AGPAT3: variants seen among roughly 807,000 people sequenced by gnomAD.
AGPAT3 encodes the protein 1-acylglycerol-3-phosphate O-acyltransferase 3, also known as 1-acyl-sn-glycerol-3-phosphate acyltransferase gamma.
A neutral mutation model predicts 47.3 loss-of-function variants in AGPAT3; 5 were observed. The ratio of observed to expected loss-of-function variants is 0.11; its 90% confidence interval spans 0.06 to 0.22. AGPAT3 has a LOEUF of 0.22. Among genes scored for constraint, AGPAT3 ranks in the 10% least tolerant of loss-of-function variants. The pLI is 1.00. For synonymous variants in AGPAT3, 212 were observed against 208.3 expected, an observed-to-expected ratio of 1.02 and a Z score of -0.15; for missense variants, 315 against 493.0, an observed-to-expected ratio of 0.64 and a Z score of 3.42.
In AGPAT3 at chr21:43,985,436, A is replaced by G; in HGVS notation, c.*3044A>G. The G allele has an allele frequency of 3.0e-6, 1 of 333,410 alleles. No homozygotes were observed. Among genetic ancestry groups the G allele is most frequent in the Non-Finnish European group, 5.8e-6 (1 of 171,724 alleles). 20.7% of individuals were successfully genotyped at this position (333,410 alleles called of 1,614,324 possible). ...AAGCACGTCCTGTCGATGAATTTTG[A>G]GTCTCTCTGCCTTGCCTGTCCCGAC... On this transcript the variant is annotated 3_prime_UTR_variant, in exon 10 of 10. Transcript: ENST00000291572.
intron 2 of AGPAT3, chr21:43,925,027 G>A (rs2087007809): frequency 6.6e-6 from 1 of 152,222 alleles, no homozygotes; most frequent in Non-Finnish European, 1.5e-5. Flanking sequence ...ATGGTCGTTC[G>A]ACTTCTGGCT....
intron 1 of AGPAT3, among the ~76,000 whole-genome samples, chr21:43,894,137 GT>G (rs1026401890): frequency 2.6e-5 from 4 of 151,794 alleles, no homozygotes; most frequent in African/African-American, 9.7e-5. Context: ...TTTGCATCCT[GT>G]TTTTGTCAGG....
chr21:43,911,079 A>G (rs1421169965), intron 2 of AGPAT3, among the ~76,000 whole-genome samples: 1 of 152,254 alleles, frequency 6.6e-6, no homozygotes, highest in African/African-American at 2.4e-5. Context: ...AAAAATACAC[A>G]TAAGAACATA....
rs931108691 is a variant in AGPAT3, at chr21:43,985,081, C to T, written c.*2689C>T. On this transcript the variant is annotated 3_prime_UTR_variant, in exon 10 of 10. Coordinates refer to ENST00000291572, the MANE Select transcript of AGPAT3 (RefSeq NM_020132.5). ...AGGCGGGAGGGCCCAGGCCCACCCA[C>T]GGGCGTCTGGCCGGTCAAGCTCCCA... is the stretch of plus-strand genomic sequence containing the variant. The T allele has an allele frequency of 1.1e-5, 5 of 455,846 alleles. No individual in the cohort carries two copies. Among genetic ancestry groups the T allele is most frequent in the South Asian group, 3.1e-5 (2 of 64,524 alleles). 28.2% of individuals were successfully genotyped at this position (455,846 alleles called of 1,614,324 possible). A position where few individuals can be genotyped will look rare whatever the true frequency, so the allele number is the denominator to read the frequency against.
At chr21:43,909,326 C>T (rs1202792629) in intron 2 of AGPAT3, among the ~76,000 whole-genome samples, 2 of 144,332 alleles carry the variant, frequency 1.4e-5, no homozygotes, top group African/African-American at 2.6e-5. Flanking sequence ...GACGGGGTCT[C>T]ACTCTGTCGC....
intron 1 of AGPAT3, among the ~76,000 whole-genome samples, chr21:43,881,997 A>C (rs2085863988): frequency 6.6e-6 from 1 of 152,250 alleles, no homozygotes. Flanking sequence ...TTACTTTTGA[A>C]TGTGGCCTCT....
At position 43,934,243 on chromosome 21, in the gene AGPAT3, C is replaced by G. The variant is rs1210515311; in HGVS notation, c.-48-25391C>G. Among the ~76,000 whole-genome samples, 6 of 152,244 alleles carry G rather than the reference C, an allele frequency of 3.9e-5. No homozygotes were observed. The highest frequency in any genetic ancestry group is 1.4e-4 in the African/African-American group (6 of 41,466). On this transcript the variant is annotated intron_variant, in intron 2 of 9. Coordinates refer to ENST00000291572, the MANE Select transcript of AGPAT3 (RefSeq NM_020132.5). The surrounding 1 kb of genome is among the most constrained non-coding windows in gnomAD (Gnocchi z 4.7). ...CCAGCTCCCTGAGCACGCCAGCCCC[C>G]CAAGGACCAGCTCCCACACACCAGC...
rs184691066 is a variant in AGPAT3, at chr21:43,880,633, T to G, written c.-112+15288T>G. Among the ~76,000 whole-genome samples, 1 of 152,350 alleles carries G rather than the reference T, an allele frequency of 6.6e-6. No homozygotes were observed. ...TGTCTGTGGCCTTTTGCAAATCAACTTCAAAATTTGCAGTCACATTTATGG... is the reference window on the plus strand; with the variant it reads ...TGTCTGTGGCCTTTTGCAAATCAACGTCAAAATTTGCAGTCACATTTATGG... On this transcript the variant is annotated intron_variant, in intron 1 of 9. Transcript: ENST00000291572. This position sits in a 1 kb window ranked among gnomAD's most constrained non-coding sequence, Gnocchi z 4.5.
intron 2 of AGPAT3, among the ~76,000 whole-genome samples, chr21:43,935,682 G>A (rs563913316): frequency 6.6e-6 from 1 of 152,204 alleles, no homozygotes; most frequent in Non-Finnish European, 1.5e-5. Context: ...ATTCAGACAT[G>A]GAAAGGGAAC....
intron 1 of AGPAT3, among the ~76,000 whole-genome samples, chr21:43,903,019 T>C (rs777444652): frequency 6.6e-6 from 1 of 152,070 alleles, no homozygotes; most frequent in African/African-American, 2.4e-5. Context: ...TATGAATTTG[T>C]AGCTGGGGGA....
At chr21:43,966,818 G>C (rs1166083847) in intron 3 of AGPAT3, 2 of 152,388 alleles carry the variant, frequency 1.3e-5, no homozygotes, top group Admixed American at 6.5e-5. Flanking sequence ...AGAAGCCTGA[G>C]GCCGTCCTGA....
Position 43,962,254 on chromosome 21 carries a change from G to A in AGPAT3, c.178+2395G>A, listed in dbSNP as rs8133270. ...CCTGACCTCGTGATCTGCCCACCTC[G>A]GCCTCCGAAAGTGCTGGGATTACAG... On this transcript the variant is annotated intron_variant, in intron 3 of 9. Transcript: ENST00000291572. Among the ~76,000 whole-genome samples, 643 of 152,020 alleles carry A rather than the reference G, an allele frequency of 4.2e-3. 5 individuals are homozygous for A. The highest frequency in any genetic ancestry group is 0.013 in the African/African-American group (554 of 41,446).
intron 1 of AGPAT3, among the ~76,000 whole-genome samples, chr21:43,875,074 A>C (rs971696729): frequency 6.6e-6 from 1 of 151,860 alleles, no homozygotes; most frequent in Non-Finnish European, 1.5e-5. Context: ...TCCGCCTCCC[A>C]GGTTCAAGCA....
chr21:43,896,943 G>GTTTTTTTTTTTTTTTTTTTTTTTT (rs61657564), intron 1 of AGPAT3, among the ~76,000 whole-genome samples: 1 of 42,322 alleles, frequency 2.4e-5, no homozygotes, highest in Non-Finnish European at 4.4e-5. Context: ...TTGACAGTCC[G>GTTTTTTTTTTTTTTTTTTTTTTTT]TTTTTTTTTT....
intron 1 of AGPAT3, among the ~76,000 whole-genome samples, chr21:43,902,842 T>C (rs1336385249): frequency 6.6e-6 from 1 of 152,082 alleles, no homozygotes; most frequent in East Asian, 1.9e-4. Flanking sequence ...CTACAAAAAA[T>C]TTAAAAAATT....
chr21:43,932,362 TGTC>T lies in AGPAT3; in HGVS notation c.-48-27269_-48-27267del, dbSNP rs1441067908. On this transcript the variant is annotated intron_variant, in intron 2 of 9. Coordinates refer to ENST00000291572, the MANE Select transcript of AGPAT3 (RefSeq NM_020132.5). This position sits in a 1 kb window ranked among gnomAD's most constrained non-coding sequence, Gnocchi z 5.2. Reference sequence around the variant, plus strand: ...CGTGTGAGTGAGGTCGTGCAGGACTTGTCGTTCTGTGACTGGCTGATTATCCAC... The same window carrying T: ...CGTGTGAGTGAGGTCGTGCAGGACTTGTTCTGTGACTGGCTGATTATCCAC... 6.6e-6 allele frequency among the ~76,000 whole-genome samples: 1 copy of T among 152,216 alleles called. No homozygotes were observed. Among genetic ancestry groups the T allele is most frequent in the Non-Finnish European group, 1.5e-5 (1 of 68,038 alleles).
intron 2 of AGPAT3, among the ~76,000 whole-genome samples, chr21:43,914,193 T>C (rs964364965): frequency 6.6e-6 from 1 of 152,166 alleles, no homozygotes; most frequent in Admixed American, 6.5e-5. Flanking sequence ...GGAACCCCCC[T>C]GCCTGCGAGG....
At chr21:43,891,851 C>T (rs1048579359) in intron 1 of AGPAT3, among the ~76,000 whole-genome samples, 2 of 152,128 alleles carry the variant, frequency 1.3e-5, no homozygotes, top group African/African-American at 2.4e-5. Flanking sequence ...GATATTTTGA[C>T]CCCCTCCCAT....
chr21:43,882,623 C>G (rs2123594452), intron 1 of AGPAT3: 1 of 152,380 alleles, frequency 6.6e-6, no homozygotes, highest in African/African-American at 2.4e-5. Context: ...CTGGTAAGAC[C>G]CATGAAGGCT....
Sources: allele counts gnomAD v4.1 joint callset (sites outside exome capture counted in the v4.1 genomes callset), GRCh38; gene constraint gnomAD v4.1.1; non-coding constraint Gnocchi (gnomAD v3.1); transcripts MANE v1.5; gene names NCBI Gene and HGNC (gene_info 2026-07-23, HGNC 2026-07-21).